NUP210: variants seen among roughly 807,000 people sequenced by gnomAD.
NUP210 encodes nucleoporin 210.
NUP210 carries 151 observed loss-of-function variants against 196.0 expected under a neutral mutation model. The ratio of observed to expected loss-of-function variants is 0.77; its 90% CI spans 0.67 to 0.88. The LOEUF is 0.88. Among genes scored for constraint, NUP210 ranks in the 40% least tolerant of loss-of-function variants. The pLI is 0.00. For missense variants in NUP210, 2,314 were observed against 2,493.7 expected (o/e 0.93, Z 1.53); for synonymous variants, 1,070 against 1,052.7 (o/e 1.02, Z -0.32).
chr3:13,321,855 T>C lies in NUP210; in HGVS notation c.4916-20A>G. 6.3e-7 allele frequency: 1 copy of C among 1,598,824 alleles called. No homozygotes were observed. The highest frequency in any genetic ancestry group is 1.1e-5 in the South Asian group (1 of 90,958). ...ACTGGCCTGCGAAGACAAGGGTGTA[T>C]TGTCTTGTCCCCTCTCCTGCCCGTG... On this transcript the variant is annotated intron_variant, in intron 35 of 39. Transcript: ENST00000254508.
chr3:13,342,734 C>T (rs553429458), intron 21 of NUP210, among the ~76,000 whole-genome samples: 4 of 152,192 alleles, frequency 2.6e-5, no homozygotes, highest in Non-Finnish European at 4.4e-5. Flanking sequence ...AAAGATAAAC[C>T]GAGATCTATC....
intron 1 of NUP210, among the ~76,000 whole-genome samples, chr3:13,419,821 C>A (rs1246860172): frequency 6.6e-6 from 1 of 152,054 alleles, no homozygotes; most frequent in Non-Finnish European, 1.5e-5. Flanking sequence ...CGGGTCACGG[C>A]CGCCAGGCTG....
At chr3:13,372,135 A>G (rs565229722) in intron 12 of NUP210, 103 bp from the exon 13 acceptor site, 2 of 1,107,168 alleles carry the variant, frequency 1.8e-6, no homozygotes, top group Admixed American at 2.8e-5. Context: ...CACTGAGGAT[A>G]CATCTGTGAG....
chr3:13,404,692 G>C (rs1163039500), intron 1 of NUP210, among the ~76,000 whole-genome samples: 1 of 152,148 alleles, frequency 6.6e-6, no homozygotes, highest in Admixed American at 6.5e-5. Context: ...ACGCAGAAGC[G>C]CCCTCCCTCC....
In NUP210 at chr3:13,352,448, C is replaced by A. The variant is rs549548624; in HGVS notation, c.2629-264G>T. 3.3e-5 allele frequency among the ~76,000 whole-genome samples: 5 copies of A among 152,356 alleles called. No individual in the cohort carries two copies. In the East Asian group the frequency reaches 7.7e-4, roughly 24 times the overall value. ...GAAGACGCCACCCCAACCCACCAGG[C>A]CCCAGTGGTGGGCAACTCACACACA... On this transcript the variant is annotated intron_variant, in intron 18 of 39. Transcript: ENST00000254508.
At chr3:13,404,668 C>T (rs1699946592) in intron 1 of NUP210, among the ~76,000 whole-genome samples, 1 of 152,212 alleles carries the variant, frequency 6.6e-6, no homozygotes, top group Non-Finnish European at 1.5e-5. Context: ...AGGATACTTT[C>T]TGCTATCAGG....
chr3:13,359,666 GAAGCCCCAC>G (rs1698303980), intron 15 of NUP210, among the ~76,000 whole-genome samples: 1 of 152,294 alleles, frequency 6.6e-6, no homozygotes, highest in Admixed American at 6.5e-5. Context: ...ATGCCCACCA[GAAGCCCCAC>G]AAGCTCTCAG....
chr3:13,345,190 TAC>T (rs1697674669), intron 20 of NUP210: 1 of 985,476 alleles, frequency 1.0e-6, no homozygotes, highest in Non-Finnish European at 1.2e-6. Context: ...TGCTCAGCTT[TAC>T]AGAGTAAAAC....
chr3:13,336,892 G>A lies in NUP210; in HGVS notation c.3579C>T (p.Thr1193=). ...TQMPIYVTGI[T]NHQNPFSFGN... is the part of the protein sequence containing the mutation. ...CAAAGGAGAAAGGGTTCTGGTGGTT[G>A]GTGATGCCGGTGACATAGATGGGCA... is the stretch of plus-strand genomic sequence containing the variant. Residue 1193 remains threonine (T), a synonymous_variant, in exon 27 of 40, where the codon ACC becomes ACT. Transcript: ENST00000254508. The A allele has an allele frequency of 6.2e-6, 10 of 1,613,724 alleles. No individual in the cohort carries two copies. Among genetic ancestry groups the A allele is most frequent in the Non-Finnish European group, 8.5e-6 (10 of 1,179,808 alleles).
Position 13,330,505 on chromosome 3 carries a change from T to G in NUP210, c.4065A>C (p.Ala1355=). Residue 1355 remains alanine, a synonymous_variant, in exon 30 of 40, where the codon GCA becomes GCC. Coordinates refer to ENST00000254508, the MANE Select transcript of NUP210 (RefSeq NM_024923.4). ...MIGTSTIEVI[A]QEPFGANQTI... is the part of the protein sequence containing the mutation. ...TTTGGTTGGCCCCAAAGGGCTCTTG[T>G]GCAATCACTTCGATGGTGGATGTCC... The G allele has an allele frequency of 1.2e-6, 2 of 1,614,248 alleles. No homozygotes were observed. Among genetic ancestry groups the G allele is most frequent in the Non-Finnish European group, 1.7e-6 (2 of 1,180,036 alleles).
At chr3:13,354,370 T>G (rs191891902) in intron 16 of NUP210, 1 of 501,398 alleles carries the variant, frequency 2.0e-6, no homozygotes, top group African/African-American at 1.9e-5. Flanking sequence ...CTGGAGGCAT[T>G]TCTGGCTGTC....
chr3:13,369,868 C>A (rs183374803), intron 13 of NUP210, among the ~76,000 whole-genome samples: 1 of 152,190 alleles, frequency 6.6e-6, no homozygotes, highest in Non-Finnish European at 1.5e-5. Flanking sequence ...GAAATGGGAC[C>A]GCCAAGTCCA....
chr3:13,340,402 G>T lies in NUP210; in HGVS notation c.3229-104C>A. 1.0e-6 allele frequency: 1 copy of T among 997,382 alleles called. No individual in the cohort carries two copies. Among genetic ancestry groups the T allele is most frequent in the African/African-American group, 1.6e-5 (1 of 63,050 alleles). The allele number at this position is 997,382 out of a possible 1,614,324, so 61.8% of individuals were successfully genotyped here. A position where few individuals can be genotyped will look rare whatever the true frequency, so the allele number is the denominator to read the frequency against. Reference sequence around the variant, plus strand: ...TCATGAGAGGAAAACCTGGGACATGGACATCACTTCTCTCTGAGCAGTGAC... The same window carrying T: ...TCATGAGAGGAAAACCTGGGACATGTACATCACTTCTCTCTGAGCAGTGAC... On this transcript the variant is annotated intron_variant, in intron 23 of 39. Transcript: ENST00000254508. This position sits in a 1 kb window ranked among gnomAD's most constrained non-coding sequence, Gnocchi z 4.0.
Position 13,332,360 on chromosome 3 carries a change from T to G in NUP210, c.3868A>C (p.Asn1290His). The G allele has an allele frequency of 6.2e-7, 1 of 1,613,740 alleles. No individual in the cohort carries two copies. The highest frequency in any genetic ancestry group is 1.3e-5 in the African/African-American group (1 of 75,062). The change falls in exon 29 of 40, where the codon AAC becomes CAC. Residue 1290 changes from asparagine to histidine, a missense_variant. Physicochemically the swap from Asn to His is moderately conservative, Grantham distance 68 (BLOSUM62 1). Transcript: ENST00000254508. Reference sequence around the variant, plus strand: ...ATTTGTTCTGCTTCTATTTCAGGGTTGAGCAGCTGCAGCTTCTCAAACACC... The same window carrying G: ...ATTTGTTCTGCTTCTATTTCAGGGTGGAGCAGCTGCAGCTTCTCAAACACC... ...VQVFEKLQLLNPEIEAEQILM... is the reference protein window; with the variant it reads ...VQVFEKLQLLHPEIEAEQILM...
At chr3:13,380,052 C>T (rs545140679) in intron 6 of NUP210, among the ~76,000 whole-genome samples, 2 of 152,224 alleles carry the variant, frequency 1.3e-5, no homozygotes, top group African/African-American at 2.4e-5. Flanking sequence ...TTTGCTTCTA[C>T]GTAGAGGGGG....
In NUP210 at chr3:13,353,554, C is replaced by T. The variant is rs759373440; in HGVS notation, c.2628G>A (p.Pro876=). 12 of 1,613,198 alleles carry T rather than the reference C, an allele frequency of 7.4e-6. No homozygotes were observed. The highest frequency in any genetic ancestry group is 1.0e-5 in the Non-Finnish European group (12 of 1,179,352). The change falls in exon 18 of 40, where the codon CCG becomes CCA. Residue 876 remains proline (P), a splice_region_variant and synonymous_variant. Coordinates refer to ENST00000254508, the MANE Select transcript of NUP210 (RefSeq NM_024923.4). ...CCCACCACTGGGCCCTGGGAGATAC[C>T]GGCTGCTTTGTTCTGGCAGAGCTGA... is the stretch of plus-strand genomic sequence containing the variant. ...SHLSSARTKQ[P]HDPLVPLSAS... is the part of the protein sequence containing the mutation.
intron 1 of NUP210, among the ~76,000 whole-genome samples, chr3:13,410,626 A>T (rs531897166): frequency 6.6e-6 from 1 of 151,244 alleles, no homozygotes; most frequent in African/African-American, 2.4e-5. Flanking sequence ...TCTAAAAAAA[A>T]AAACAAAAAG....
Position 13,420,050 on chromosome 3 carries a change from C to A in NUP210, c.167+10G>T. 2 of 1,276,340 alleles carry A rather than the reference C, an allele frequency of 1.6e-6. No individual in the cohort carries two copies. The highest frequency in any genetic ancestry group is 2.0e-6 in the Non-Finnish European group (2 of 995,284). 79.1% of individuals were successfully genotyped at this position (1,276,340 alleles called of 1,614,324 possible). A position where few individuals can be genotyped will look rare whatever the true frequency, so the allele number is the denominator to read the frequency against. Reference sequence around the variant, plus strand: ...CCACGGCGCCCGCCCGGCCCGGCCGCGCGCCTCACCAGCGGTAGCAGCCCT... The same window carrying A: ...CCACGGCGCCCGCCCGGCCCGGCCGAGCGCCTCACCAGCGGTAGCAGCCCT... On this transcript the variant is annotated intron_variant, in intron 1 of 39. Coordinates refer to ENST00000254508, the MANE Select transcript of NUP210 (RefSeq NM_024923.4). This position sits in a 1 kb window ranked among gnomAD's most constrained non-coding sequence, Gnocchi z 4.8.
At chr3:13,372,561 C>A (rs1199483988) in intron 12 of NUP210, among the ~76,000 whole-genome samples, 1 of 152,098 alleles carries the variant, frequency 6.6e-6, no homozygotes, top group African/African-American at 2.4e-5. Context: ...CCAGGGCAGG[C>A]GTGTTAGGAC....
Sources: allele counts gnomAD v4.1 joint callset (sites outside exome capture counted in the v4.1 genomes callset), GRCh38; gene constraint gnomAD v4.1.1; non-coding constraint Gnocchi (gnomAD v3.1); transcripts MANE v1.5; gene names NCBI Gene and HGNC (gene_info 2026-07-23, HGNC 2026-07-21).